Variants in DAB1 observed in about 807,000 individuals in gnomAD.
DAB1 encodes disabled homolog 1.
A neutral mutation model predicts 64.6 loss-of-function variants in DAB1; 15 were observed. That is an observed-to-expected ratio of 0.23 (90% confidence interval 0.16 to 0.36). The LOEUF (loss-of-function observed/expected upper bound fraction) is 0.36. Ranked by LOEUF, DAB1 falls within the 10% of genes least tolerant of loss-of-function variation. The pLI, the probability that DAB1 is intolerant of heterozygous loss-of-function variation, is 1.00. For missense variants in DAB1, 596 were observed against 706.7 expected, an observed-to-expected ratio of 0.84 and a Z score of 1.78; for synonymous variants, 235 against 251.9, an observed-to-expected ratio of 0.93 and a Z score of 0.64.
chr1:57,672,299 CT>C (rs1233553194), intron 6 of DAB1, among the ~76,000 whole-genome samples: 1 of 152,130 alleles, frequency 6.6e-6, no homozygotes, highest in African/African-American at 2.4e-5. Context: ...TGTAGGATCT[CT>C]TTTAATTAAA....
intron 5 of DAB1, among the ~76,000 whole-genome samples, chr1:57,994,417 T>A (rs1324011092): frequency 6.6e-6 from 1 of 152,132 alleles, no homozygotes; most frequent in Non-Finnish European, 1.5e-5. Flanking sequence ...TTGGAGGCTG[T>A]ATGAGCAGAG....
intron 4 of DAB1, among the ~76,000 whole-genome samples, chr1:58,164,396 A>G (rs1239688928): frequency 1.3e-5 from 2 of 152,178 alleles, no homozygotes; most frequent in Non-Finnish European, 2.9e-5. Flanking sequence ...GTCAGCAAAG[A>G]ACATATCAAA....
In DAB1 at chr1:57,273,175, G is replaced by A. The variant is rs78896577; in HGVS notation, c.67+17789C>T. Among the ~76,000 whole-genome samples the A allele has an allele frequency of 9.2e-3, 1,397 of 152,298 alleles. 15 individuals carry two copies. Among genetic ancestry groups the A allele is most frequent in the African/African-American group, 0.032 (1,313 of 41,548 alleles). ...CAGATGGTAGTGAATTGAAGTGAGA[G>A]GGGATGTCTTATGGCAACTTATGAT... On this transcript the variant is annotated intron_variant, in intron 2 of 14. Transcript: ENST00000371236.
At chr1:58,387,061 A>C (rs533060491) in intron 3 of DAB1, among the ~76,000 whole-genome samples, 1 of 152,304 alleles carries the variant, frequency 6.6e-6, no homozygotes, top group Admixed American at 6.5e-5. Context: ...ACTCCATCTC[A>C]AAAAACAAAA....
intron 2 of DAB1, among the ~76,000 whole-genome samples, chr1:57,208,941 T>C (rs140280332): frequency 1.6e-4 from 24 of 152,312 alleles, no homozygotes; most frequent in Admixed American, 3.9e-4. Flanking sequence ...TTGGACTCTA[T>C]TGTAAGCTTC....
chr1:58,025,651 G>GTGTATATA (rs1264790564), intron 5 of DAB1, among the ~76,000 whole-genome samples: 1,142 of 75,216 alleles, frequency 0.015, 19 homozygotes, highest in Non-Finnish European at 0.024. Flanking sequence ...ATATATGTGT[G>GTGTATATA]TATATATATA....
intron 4 of DAB1, among the ~76,000 whole-genome samples, chr1:58,242,636 A>AT (rs1660349498): frequency 6.6e-6 from 1 of 152,134 alleles, no homozygotes; most frequent in East Asian, 1.9e-4. Flanking sequence ...TGTATTATTT[A>AT]AACAATTTGG....
At chr1:57,719,035 C>A (rs1647118856) in intron 6 of DAB1, among the ~76,000 whole-genome samples, 1 of 151,698 alleles carries the variant, frequency 6.6e-6, no homozygotes, top group Non-Finnish European at 1.5e-5. Context: ...GGAAATTATG[C>A]ATCAACAAAA....
chr1:58,440,899 C>T (rs1470812401), intron 3 of DAB1, among the ~76,000 whole-genome samples: 4 of 152,134 alleles, frequency 2.6e-5, no homozygotes, highest in Non-Finnish European at 4.4e-5. Flanking sequence ...AAAAGGGAAG[C>T]CAGCCAATAA....
chr1:57,795,237 T>A (rs1159516315), intron 6 of DAB1, among the ~76,000 whole-genome samples: 1 of 152,188 alleles, frequency 6.6e-6, no homozygotes, highest in Non-Finnish European at 1.5e-5. Context: ...AAACCTAAGT[T>A]ATCATCAAAG....
chr1:57,765,540 G>A (rs7553730), intron 6 of DAB1, among the ~76,000 whole-genome samples: 30,100 of 151,924 alleles, frequency 0.2, 3,375 homozygotes, highest in Admixed American at 0.3. Context: ...CATATCTAGG[G>A]GTAACTCAAC....
intron 4 of DAB1, among the ~76,000 whole-genome samples, chr1:57,075,099 G>A (rs1570643728): frequency 6.6e-6 from 1 of 152,204 alleles, no homozygotes; most frequent in Admixed American, 6.5e-5. Context: ...TGTTATCCAC[G>A]TTTCCTATTA....
Position 57,389,142 on chromosome 1 carries a change from T to C in DAB1, c.-137+34788A>G, listed in dbSNP as rs1004346324. The stretch of plus-strand genomic sequence containing the variant: ...CACAGCCTCTATTTACCATTCTTGT[T>C]GTCATTATCTTGGCTCTGGTTCTAA... On this transcript the variant is annotated intron_variant, in intron 1 of 14. Transcript: ENST00000371236. Among the ~76,000 whole-genome samples, 3 of 152,228 alleles carry C rather than the reference T, an allele frequency of 2.0e-5. No homozygotes were observed. In the East Asian group the frequency reaches 5.8e-4, roughly 29 times the overall value.
chr1:57,737,609 A>G (rs891944859), intron 6 of DAB1, among the ~76,000 whole-genome samples: 9 of 152,332 alleles, frequency 5.9e-5, no homozygotes, highest in African/African-American at 2.2e-4. Flanking sequence ...ATGGGATACA[A>G]TAGTGAGCAG....
chr1:57,031,829 C>T (rs1358192388), intron 9 of DAB1, among the ~76,000 whole-genome samples: 1 of 152,206 alleles, frequency 6.6e-6, no homozygotes, highest in Non-Finnish European at 1.5e-5. Flanking sequence ...CCTTCCATTA[C>T]TGGCATTTCA....
At chr1:57,174,085 T>C (rs533541749) in intron 2 of DAB1, among the ~76,000 whole-genome samples, 51 of 152,154 alleles carry the variant, frequency 3.4e-4, no homozygotes, top group Non-Finnish European at 4.0e-4. Flanking sequence ...AGAAGCAGGA[T>C]AGAAGGAAAC....
intron 3 of DAB1, among the ~76,000 whole-genome samples, chr1:58,366,593 T>G (rs1644220044): frequency 1.3e-5 from 2 of 152,206 alleles, no homozygotes; most frequent in Admixed American, 1.3e-4. Flanking sequence ...GTATTTCCCA[T>G]TCCTCCCAGT....
At chr1:57,968,332 G>A (rs945764256) in intron 5 of DAB1, among the ~76,000 whole-genome samples, 4 of 152,196 alleles carry the variant, frequency 2.6e-5, no homozygotes, top group African/African-American at 7.2e-5. Flanking sequence ...GCTGTGAACC[G>A]CAGGGCTAAG....
chr1:58,321,636 C>A (rs765685854), intron 4 of DAB1, among the ~76,000 whole-genome samples: 1 of 152,280 alleles, frequency 6.6e-6, no homozygotes, highest in Admixed American at 6.5e-5. Context: ...GTGGGTCCCA[C>A]GCCCAGGGAG....
Sources: gnomAD v4.1 joint callset for allele counts (sites outside exome capture counted in the v4.1 genomes callset) on GRCh38, gnomAD v4.1.1 for gene constraint, MANE v1.5 for transcripts, NCBI Gene and HGNC (gene_info 2026-07-23, HGNC 2026-07-21) for gene names.